LCN12: variants seen among roughly 807,000 people sequenced by gnomAD.
LCN12 encodes the protein lipocalin 12.
LCN12 carries 15 observed loss-of-function variants against 23.7 expected under a neutral mutation model. That is an observed-to-expected ratio of 0.63 (90% confidence interval 0.42 to 0.97). LCN12 has a LOEUF of 0.97. LCN12 is among the 50% of genes least tolerant of loss of function. The pLI is 0.00. For synonymous variants in LCN12, 116 were observed against 111.5 expected (o/e 1.04, Z -0.25); for missense variants, 219 against 249.6 (o/e 0.88, Z 0.83).
upstream of LCN12, among the ~76,000 whole-genome samples, chr9:136,949,840 G>C (rs1439058204): frequency 2.6e-5 from 4 of 152,198 alleles, no homozygotes; most frequent in African/African-American, 7.2e-5. Context: ...CTGAGTGGAA[G>C]CGGCGGTTTC....
rs200874027 is a variant in LCN12, at chr9:136,952,909, C to T, written c.132C>T (p.Phe44=). Residue 44 remains phenylalanine (F), a synonymous_variant, in exon 2 of 6, where the codon TTC becomes TTT. Transcript: ENST00000371633. ...FQGNQFQGEW[F]VLGLAGNSFR... ...CTCTGTAGTTCCAGGGGGAATGGTTCGTCCTGGGCCTGGCGGGCAACAGCT... is the reference window on the plus strand; with the variant it reads ...CTCTGTAGTTCCAGGGGGAATGGTTTGTCCTGGGCCTGGCGGGCAACAGCT... 7.3e-6 allele frequency: 11 copies of T among 1,515,642 alleles called. No homozygotes were observed. The East Asian group carries it at 1.1e-4, about 15-fold the overall frequency. The allele number at this position is 1,515,642 out of a possible 1,614,324, so 93.9% of individuals were successfully genotyped here. A position where few individuals can be genotyped will look rare whatever the true frequency, so the allele number is the denominator to read the frequency against.
At chr9:136,951,709 C>G (rs1851156069), upstream of LCN12, among the ~76,000 whole-genome samples, 2 of 152,248 alleles carry the variant, frequency 1.3e-5, no homozygotes, top group African/African-American at 4.8e-5. Context: ...CCCCAGCCTC[C>G]CTCCTCGCCT....
chr9:136,953,346 C>G (rs565502357), intron 2 of LCN12: 27 of 97,944 alleles, frequency 2.8e-4, no homozygotes, highest in African/African-American at 1.9e-3. Flanking sequence ...CTGGCTCACA[C>G]CTGTAATCCT....
chr9:136,953,969 G>A lies in LCN12; in HGVS notation c.448+5G>A, dbSNP rs1303557908. On this transcript the variant is annotated splice_donor_5th_base_variant and intron_variant, in intron 4 of 5. Transcript: ENST00000371633. ...TCCTCAGGATCAGCCTGCTGGGTGA[G>A]CCTCCCACCCCGTCCTGGGCCCGTG... 6.2e-7 allele frequency: 1 copy of A among 1,607,646 alleles called. No individual in the cohort carries two copies. Among genetic ancestry groups the A allele is most frequent in the Admixed American group, 1.7e-5 (1 of 59,858 alleles).
chr9:136,952,483 T>A (rs1851181953), intron 1 of LCN12, 42 bp downstream of exon 1: 1 of 1,394,810 alleles, frequency 7.2e-7, no homozygotes, highest in South Asian at 1.2e-5. Flanking sequence ...CGGCTGGGTC[T>A]GAGTGCAGGG....
chr9:136,955,473 C>A lies in LCN12; in HGVS notation c.*74C>A. 1 of 1,477,234 alleles carries A rather than the reference C, an allele frequency of 6.8e-7. No individual in the cohort carries two copies. The highest frequency in any genetic ancestry group is 9.4e-7 in the Non-Finnish European group (1 of 1,062,124). 91.5% of individuals were successfully genotyped at this position (1,477,234 alleles called of 1,614,324 possible). On this transcript the variant is annotated 3_prime_UTR_variant, in exon 6 of 6. Transcript: ENST00000371633. ...AGCTCTGCCCTCCTCAGCTCTCAAA[C>A]CTGAATAAATGCACCAAGCCCAGAG...
At position 136,953,920 on chromosome 9, in the gene LCN12, G is replaced by A. The variant is rs769312234; in HGVS notation, c.404G>A (p.Arg135His). The change falls in exon 4 of 6, where the codon CGC becomes CAC. Residue 135 changes from arginine (R) to histidine (H), a missense_variant. Transcript: ENST00000371633. The part of the protein sequence containing the change: ...DYTQFALMLS[R>H]RHTSRLAVLR... ...ACCCAGTTCGCCCTGATGCTGTCCC[G>A]CAGACACACGAGCAGGCTGGCCGTC... 9.6e-5 allele frequency: 154 copies of A among 1,611,236 alleles called. No homozygotes were observed. The highest frequency in any genetic ancestry group is 1.1e-4 in the Non-Finnish European group (133 of 1,179,734).
upstream of LCN12, among the ~76,000 whole-genome samples, chr9:136,950,239 C>G (rs529805056): frequency 2.1e-3 from 321 of 152,310 alleles, 1 homozygote; most frequent in African/African-American, 7.5e-3. Context: ...ATTGTCGTGT[C>G]CGGGAGGCTC....
At chr9:136,952,051 A>G (rs1247763664), upstream of LCN12, among the ~76,000 whole-genome samples, 2 of 151,876 alleles carry the variant, frequency 1.3e-5, no homozygotes, top group Non-Finnish European at 2.9e-5. Flanking sequence ...GGGCCTCAGA[A>G]ATGAGAAGAA....
At chr9:136,949,263 A>G (rs1851096275), upstream of LCN12, among the ~76,000 whole-genome samples, 2 of 152,228 alleles carry the variant, frequency 1.3e-5, no homozygotes, top group East Asian at 3.8e-4. Context: ...ATCTATAGAA[A>G]CTAACATTTA....
At chr9:136,951,562 C>T (rs1289348120), upstream of LCN12, among the ~76,000 whole-genome samples, 1 of 152,252 alleles carries the variant, frequency 6.6e-6, no homozygotes, top group Non-Finnish European at 1.5e-5. Flanking sequence ...GCCTACTAAT[C>T]CTTTCTTTTA....
chr9:136,954,721 C>T (rs1851281046), intron 5 of LCN12: 1 of 1,291,232 alleles, frequency 7.7e-7, no homozygotes, highest in African/African-American at 1.5e-5. Context: ...GGACTCATCC[C>T]AGGAGGTGCC....
intron 4 of LCN12, 62 bp from the exon 5 acceptor site, chr9:136,954,092 C>T: frequency 1.3e-6 from 2 of 1,514,304 alleles, no homozygotes; most frequent in Non-Finnish European, 1.8e-6. Flanking sequence ...CAATCTCCCA[C>T]CTACCCAGCC....
At chr9:136,952,834 G>C in intron 1 of LCN12, 58 bp from the exon 2 acceptor site, 1 of 1,583,050 alleles carries the variant, frequency 6.3e-7, no homozygotes, top group Non-Finnish European at 8.6e-7. Context: ...GGGGGCTCCT[G>C]ACCCTGCCCA....
chr9:136,950,071 C>T (rs1446964347), upstream of LCN12, among the ~76,000 whole-genome samples: 1 of 152,202 alleles, frequency 6.6e-6, no homozygotes, highest in Non-Finnish European at 1.5e-5. Context: ...GCGTCCTGCA[C>T]GGCCCGTTCC....
upstream of LCN12, among the ~76,000 whole-genome samples, chr9:136,949,986 C>CCCACCCCAGGCGGTATGGAAGG (rs1851109571): frequency 6.6e-6 from 1 of 152,142 alleles, no homozygotes; most frequent in Non-Finnish European, 1.5e-5. Flanking sequence ...GCCCGGCCCG[C>CCCACCCCAGGCGGTATGGAAGG]CCACCCCAGG....
Position 136,953,870 on chromosome 9 carries a change from G to T in LCN12, c.354G>T (p.Glu118Asp), listed in dbSNP as rs775986481. The change falls in exon 4 of 6, where the codon GAG (glutamate) becomes GAT (aspartate). Residue 118 changes from glutamate to aspartate, a missense_variant. Glu to Asp is a conservative substitution (Grantham distance 45). Transcript: ENST00000371633. Reference protein sequence around the residue: ...HGVEPGADREETRVVDSDYTQ... With the variant: ...HGVEPGADREDTRVVDSDYTQ... Reference sequence around the variant, plus strand: ...CAGAGCCCGGGGCGGACAGAGAGGAGACCCGGGTGGTGGACAGCGACTACA... The same window carrying T: ...CAGAGCCCGGGGCGGACAGAGAGGATACCCGGGTGGTGGACAGCGACTACA... The T allele has an allele frequency of 3.1e-6, 5 of 1,604,264 alleles. No homozygotes were observed. In the South Asian group the frequency reaches 5.6e-5, roughly 18 times the overall value.
At position 136,952,287 on chromosome 9, in the gene LCN12, A is replaced by G. The variant is rs1371335608; in HGVS notation, c.-41A>G. On this transcript the variant is annotated 5_prime_UTR_variant, in exon 1 of 6. Transcript: ENST00000371633. ...GTCTCTGGGTCACCTGCCCATGGCC[A>G]CTTCCTTCTCTCTGTCCCTGTGGGC... 6.9e-7 allele frequency: 1 copy of G among 1,458,458 alleles called. No homozygotes were observed. Among genetic ancestry groups the G allele is most frequent in the African/African-American group, 1.4e-5 (1 of 71,752 alleles). The allele number at this position is 1,458,458 out of a possible 1,614,324, so 90.3% of individuals were successfully genotyped here. A position where few individuals can be genotyped will look rare whatever the true frequency, so the allele number is the denominator to read the frequency against.
At position 136,954,121 on chromosome 9, in the gene LCN12, GCA is replaced by G. The variant is rs769130037; in HGVS notation, c.449-30_449-29del. 10 of 1,528,650 alleles carry G rather than the reference GCA, an allele frequency of 6.5e-6. No homozygotes were observed. In the Admixed American group the frequency reaches 2.0e-4, roughly 30 times the overall value. The allele number at this position is 1,528,650 out of a possible 1,614,324, so 94.7% of individuals were successfully genotyped here. On this transcript the variant is annotated intron_variant, in intron 4 of 5. Coordinates refer to ENST00000371633, the MANE Select transcript of LCN12 (RefSeq NM_178536.4). Reference sequence around the variant, plus strand: ...CCCAGCCCCCAACCCCCTGCCAAGTGCACAGACCCATGCTGGGCTCCCTGGGC... The same window carrying G: ...CCCAGCCCCCAACCCCCTGCCAAGTGCAGACCCATGCTGGGCTCCCTGGGC...
Sources: gnomAD v4.1 joint callset for allele counts (sites outside exome capture counted in the v4.1 genomes callset) on GRCh38, gnomAD v4.1.1 for gene constraint, MANE v1.5 for transcripts, NCBI Gene and HGNC (gene_info 2026-07-23, HGNC 2026-07-21) for gene names.